Variants in DNAAF1 observed in about 807,000 individuals in gnomAD.
DNAAF1 encodes dynein axonemal assembly factor 1, also known as dynein assembly factor 1, axonemal.
DNAAF1 carries 65 observed loss-of-function variants against 71.1 expected under a neutral mutation model. The ratio of observed to expected loss-of-function variants is 0.91; its 90% confidence interval spans 0.75 to 1.12. The LOEUF (loss-of-function observed/expected upper bound fraction) is 1.12, where lower values mean the gene tolerates loss of function less well. Among genes scored for constraint, DNAAF1 ranks in the 50% most tolerant of loss-of-function variants. The probability of loss-of-function intolerance (pLI) is 0.00; values close to 1 mark genes in which losing one functional copy is unlikely to be tolerated. For synonymous variants in DNAAF1, 414 were observed against 354.6 expected (o/e 1.17, Z -1.88); for missense variants, 1,178 against 899.8 (o/e 1.31, Z -3.96).
In DNAAF1 at chr16:84,154,534, C is replaced by T. The variant is rs1160207733; in HGVS notation, c.353-43C>T. On this transcript the variant is annotated intron_variant, in intron 3 of 11. Transcript: ENST00000378553. ...CAAGGGTGACCGTGACCCCTCTGCC[C>T]TGGGAGTAGGAGCTTAATTCCCACG... 9.5e-6 allele frequency: 15 copies of T among 1,581,936 alleles called. No individual in the cohort carries two copies. The African/African-American group carries it at 1.2e-4, about 13-fold the overall frequency.
chr16:84,155,880 T>C, intron 5 of DNAAF1, 131 bp downstream of exon 5: 2 of 1,245,974 alleles, frequency 1.6e-6, no homozygotes, highest in East Asian at 2.5e-5. Flanking sequence ...TTTTTTCCTC[T>C]TTGTGTTTTT....
In DNAAF1 at chr16:84,165,955, C is replaced by T. The variant is rs746229295; in HGVS notation, c.1030+6C>T. The T allele has an allele frequency of 2.3e-5, 37 of 1,610,766 alleles. No homozygotes were observed. In the East Asian group the frequency reaches 2.7e-4, roughly 12 times the overall value. ...GAGAGAGAGTCAAGAGAGAGGTATGCGCTCGGCCGAAGACAACAGCCCCAG... is the reference window on the plus strand; with the variant it reads ...GAGAGAGAGTCAAGAGAGAGGTATGTGCTCGGCCGAAGACAACAGCCCCAG... On this transcript the variant is annotated splice_donor_region_variant and intron_variant, in intron 7 of 11. Coordinates refer to ENST00000378553, the MANE Select transcript of DNAAF1 (RefSeq NM_178452.6).
chr16:84,159,647 C>G, intron 5 of DNAAF1, 28 bp from the exon 6 acceptor site: 1 of 1,594,716 alleles, frequency 6.3e-7, no homozygotes, highest in Non-Finnish European at 8.6e-7. Context: ...TTTCAGTAAT[C>G]ATTTTGGTTC....
Position 84,159,767 on chromosome 16 carries a change from G to C in DNAAF1, c.834G>C (p.Leu278=). ...VTVRLKHLTY[L]DDRPVFPKDR... is the part of the protein sequence containing the mutation. ...TACGACTAAAGCACTTAACATACCT[G>C]GATGATAGACCAGTGTTTCCAAAGG... is the stretch of plus-strand genomic sequence containing the variant. The change falls in exon 6 of 12, where the codon CTG becomes CTC. Residue 278 remains leucine, a synonymous_variant. Coordinates refer to ENST00000378553, the MANE Select transcript of DNAAF1 (RefSeq NM_178452.6). The C allele has an allele frequency of 6.2e-7, 1 of 1,613,866 alleles. No homozygotes were observed. Among genetic ancestry groups the C allele is most frequent in the Non-Finnish European group, 8.5e-7 (1 of 1,179,904 alleles).
intron 5 of DNAAF1, chr16:84,158,938 C>T (rs1464961215): frequency 1.2e-5 from 8 of 670,774 alleles, no homozygotes; most frequent in Non-Finnish European, 1.5e-5. Context: ...ACCATGTTGG[C>T]CAGGCTGGTC....
chr16:84,170,423 G>A lies in DNAAF1; in HGVS notation c.1528+67G>A, dbSNP rs543003448. On this transcript the variant is annotated intron_variant, in intron 8 of 11. Coordinates refer to ENST00000378553, the MANE Select transcript of DNAAF1 (RefSeq NM_178452.6). Reference sequence around the variant, plus strand: ...CAGGGAGCCCCAGCCTTCGACTCACGTCTCTGTGGGACCTGGGGCCTGAGT... The same window carrying A: ...CAGGGAGCCCCAGCCTTCGACTCACATCTCTGTGGGACCTGGGGCCTGAGT... 142 of 1,608,576 alleles carry A rather than the reference G, an allele frequency of 8.8e-5. No individual in the cohort carries two copies. The Middle Eastern group carries it at 2.0e-3, about 22-fold the overall frequency.
rs143428513 is a variant in DNAAF1, at chr16:84,174,149, G to A, written c.1645-520G>A. 1,880 of 994,942 alleles carry A rather than the reference G, an allele frequency of 1.9e-3. 34 individuals carry two copies. In the African/African-American group the frequency reaches 0.03, roughly 16 times the overall value. 61.6% of individuals were successfully genotyped at this position (994,942 alleles called of 1,614,324 possible). A position where few individuals can be genotyped will look rare whatever the true frequency, so the allele number is the denominator to read the frequency against. On this transcript the variant is annotated intron_variant, in intron 9 of 11. Transcript: ENST00000378553. ...TGGTGGTGGGGGAGTAACAACCTAG[G>A]CACCGTGGCTCCAGTTCATGCATCC...
chr16:84,162,734 G>T (rs62048442), intron 6 of DNAAF1, among the ~76,000 whole-genome samples: 1 of 151,938 alleles, frequency 6.6e-6, no homozygotes, highest in Non-Finnish European at 1.5e-5. Flanking sequence ...CAAGAGAATC[G>T]CTTGAACCCG....
rs958704610 is a variant in DNAAF1, at chr16:84,169,749, C to T, written c.1031-110C>T. On this transcript the variant is annotated intron_variant, in intron 7 of 11. Transcript: ENST00000378553. ...TGAGGACACTTTTTTAACTGTGTTC[C>T]TGACCTTTTCCCTGGTCTCAGAAGT... is the stretch of plus-strand genomic sequence containing the variant. The T allele has an allele frequency of 4.7e-6, 7 of 1,501,966 alleles. No homozygotes were observed. The African/African-American group carries it at 5.5e-5, about 12-fold the overall frequency. 93.0% of individuals were successfully genotyped at this position (1,501,966 alleles called of 1,614,324 possible).
At chr16:84,177,489 C>A (rs571749916) in intron 11 of DNAAF1, 2 of 443,154 alleles carry the variant, frequency 4.5e-6, no homozygotes, top group African/African-American at 4.0e-5. Context: ...CCACCACGCC[C>A]AGCTAATCTT....
chr16:84,175,684 GGAGGGT>G, intron 10 of DNAAF1: 2 of 539,434 alleles, frequency 3.7e-6, no homozygotes, highest in Non-Finnish European at 6.7e-6. Context: ...TCAGGTACCA[GGAGGGT>G]GAGGAATAGC....
Position 84,170,338 on chromosome 16 carries a change from C to G in DNAAF1, c.1510C>G (p.Leu504Val). 1.2e-6 allele frequency: 2 copies of G among 1,613,932 alleles called. No individual in the cohort carries two copies. Among genetic ancestry groups the G allele is most frequent in the Non-Finnish European group, 1.7e-6 (2 of 1,180,030 alleles). ...AGCTGAGGCCCCACCACCACCGCCC[C>G]TGGGAGCTGCCAGGGAAGGTAATGT... ...LPAEAPPPPP[L>V]GAAREEPTPQ... The change falls in exon 8 of 12, where the codon CTG (leucine) becomes GTG (valine). Residue 504 changes from leucine to valine, a missense_variant. Leu to Val is a conservative substitution (Grantham distance 32, BLOSUM62 1). Transcript: ENST00000378553.
chr16:84,161,196 C>T (rs2087700010), intron 6 of DNAAF1, among the ~76,000 whole-genome samples: 1 of 152,186 alleles, frequency 6.6e-6, no homozygotes, highest in African/African-American at 2.4e-5. Context: ...CTGTGAGCGC[C>T]TGTGAGCAAC....
intron 9 of DNAAF1, chr16:84,172,604 T>C (rs1256082180): frequency 2.2e-6 from 3 of 1,358,874 alleles, no homozygotes; most frequent in East Asian, 6.1e-5. Flanking sequence ...TGCACATGCA[T>C]GCTCAAGTTT....
At chr16:84,163,722 C>T (rs1026217889) in intron 6 of DNAAF1, among the ~76,000 whole-genome samples, 1 of 152,194 alleles carries the variant, frequency 6.6e-6, no homozygotes, top group Non-Finnish European at 1.5e-5. Flanking sequence ...GCAGTGGTGT[C>T]TCATTGTGGT....
At chr16:84,169,812 T>TGCATTTTC (rs754690176) in intron 7 of DNAAF1, 47 bp from the exon 8 acceptor site, 18 of 1,611,908 alleles carry the variant, frequency 1.1e-5, no homozygotes, top group Non-Finnish European at 1.4e-5. Context: ...AACACCCTTG[T>TGCATTTTC]CCTCCCAGGA....
rs1260546565 is a variant in DNAAF1, at chr16:84,176,251, A to ACT, written c.2018_2019dup (p.Ser674LeufsTer62). ...CTGCCAAAGAGATGCTGCACCACTC[A>ACT]CTTCCAGTGGAGACAGGGACAGCGA... On this transcript the variant is annotated frameshift_variant, in exon 11 of 12. Coordinates refer to ENST00000378553, the MANE Select transcript of DNAAF1 (RefSeq NM_178452.6). LOFTEE classifies it low-confidence loss of function (END_TRUNC). 6.2e-7 allele frequency: 1 copy of ACT among 1,613,614 alleles called. No homozygotes were observed. The highest frequency in any genetic ancestry group is 2.2e-5 in the East Asian group (1 of 44,866).
In DNAAF1 at chr16:84,172,297, C is replaced by T. The variant is rs1472474428; in HGVS notation, c.1566C>T (p.Phe522=). Residue 522 remains phenylalanine (F), a synonymous_variant, in exon 9 of 12, where the codon TTC becomes TTT. Coordinates refer to ENST00000378553, the MANE Select transcript of DNAAF1 (RefSeq NM_178452.6). ...AGGCTGTGGCCACTGAGGGTGTATT[C>T]GTTACAGAACTTGATGGAACGAGAA... is the stretch of plus-strand genomic sequence containing the variant. ...TPQAVATEGV[F]VTELDGTRTE... The T allele has an allele frequency of 3.1e-6, 5 of 1,614,014 alleles. No individual in the cohort carries two copies. The highest frequency in any genetic ancestry group is 2.2e-5 in the East Asian group (1 of 44,882).
At chr16:84,163,225 G>T (rs2087798152) in intron 6 of DNAAF1, among the ~76,000 whole-genome samples, 2 of 151,968 alleles carry the variant, frequency 1.3e-5, no homozygotes, top group African/African-American at 4.8e-5. Flanking sequence ...GTCATACAGG[G>T]ACTTTACATT....
Sources: gnomAD v4.1 joint callset for allele counts (sites outside exome capture counted in the v4.1 genomes callset) on GRCh38, gnomAD v4.1.1 for gene constraint, MANE v1.5 for transcripts, NCBI Gene and HGNC (gene_info 2026-07-23, HGNC 2026-07-21) for gene names.